The following MRLN variants were observed in gnomAD, a reference collection of about 807,000 sequenced individuals.
MRLN encodes the protein Linc-RNA activator of myogenesis.
chr10:59,744,727 G>A, intron 1 of MRLN: 1 of 156,046 alleles, frequency 6.4e-6, no homozygotes, highest in Non-Finnish European at 1.4e-5. Flanking sequence ...TGTGTAGAAA[G>A]AAGTAGACAT....
At chr10:59,745,804 C>T (rs532857032) in intron 1 of MRLN, among the ~76,000 whole-genome samples, 36 of 152,246 alleles carry the variant, frequency 2.4e-4, no homozygotes, top group Admixed American at 7.8e-4. Context: ...GTTCTTCACT[C>T]TGCCACCAGT....
At chr10:59,740,082 C>T (rs1283622953) in intron 1 of MRLN, among the ~76,000 whole-genome samples, 1 of 145,108 alleles carries the variant, frequency 6.9e-6, no homozygotes, top group Non-Finnish European at 1.5e-5. Context: ...TGGAGTGAGA[C>T]TCCATCTTAA....
Position 59,742,181 on chromosome 10 carries a change from C to T in MRLN, c.-124-3619G>A, listed in dbSNP as rs903354551. 2.0e-5 allele frequency among the ~76,000 whole-genome samples: 3 copies of T among 152,106 alleles called. No individual in the cohort carries two copies. The East Asian group carries it at 5.8e-4, about 29-fold the overall frequency. Reference sequence around the variant, plus strand: ...CTTCAATATGGAAACAACTTAAATGCCATTAGTACACGGATAAATTGTGGC... The same window carrying T: ...CTTCAATATGGAAACAACTTAAATGTCATTAGTACACGGATAAATTGTGGC... On this transcript the variant is annotated intron_variant, in intron 1 of 2. Transcript: ENST00000414264.
chr10:59,751,158 G>A (rs981691135), intron 1 of MRLN, among the ~76,000 whole-genome samples: 9 of 152,214 alleles, frequency 5.9e-5, no homozygotes, highest in Non-Finnish European at 1.5e-5. Context: ...TTGGAGTCAA[G>A]TTTAGCTGAA....
intron 1 of MRLN, among the ~76,000 whole-genome samples, chr10:59,746,406 T>C (rs1841044627): frequency 6.6e-6 from 1 of 152,228 alleles, no homozygotes; most frequent in Non-Finnish European, 1.5e-5. Context: ...TTGAGTATTC[T>C]GTGCCATAGT....
At chr10:59,745,722 T>A (rs1038476149) in intron 1 of MRLN, among the ~76,000 whole-genome samples, 5 of 152,176 alleles carry the variant, frequency 3.3e-5, no homozygotes, top group African/African-American at 1.2e-4. Flanking sequence ...AGGAGTGGTA[T>A]CCCACAGAGT....
intron 1 of MRLN, among the ~76,000 whole-genome samples, chr10:59,749,425 G>A (rs1422726360): frequency 2.6e-5 from 4 of 152,102 alleles, no homozygotes; most frequent in African/African-American, 9.7e-5. Context: ...CAGGCATGGT[G>A]GCTCACACCC....
At chr10:59,740,249 T>TG (rs1181169163) in intron 1 of MRLN, among the ~76,000 whole-genome samples, 1 of 152,124 alleles carries the variant, frequency 6.6e-6, no homozygotes, top group Non-Finnish European at 1.5e-5. Flanking sequence ...AACCACAGCA[T>TG]GTACAATGAT....
chr10:59,746,317 A>C (rs1225720418), intron 1 of MRLN, among the ~76,000 whole-genome samples: 2 of 152,192 alleles, frequency 1.3e-5, no homozygotes, highest in African/African-American at 2.4e-5. Context: ...TTAAGTAAAT[A>C]ATATTATAAT....
chr10:59,744,596 C>T (rs1414424143), intron 1 of MRLN, among the ~76,000 whole-genome samples: 3 of 152,132 alleles, frequency 2.0e-5, no homozygotes, highest in Non-Finnish European at 4.4e-5. Flanking sequence ...AGCCGCCACC[C>T]GGTCTGGGAG....
Position 59,743,174 on chromosome 10 carries a change from C to G in MRLN, c.-124-4612G>C, listed in dbSNP as rs1477437138. 2.0e-5 allele frequency among the ~76,000 whole-genome samples: 3 copies of G among 152,034 alleles called. No individual in the cohort carries two copies. The East Asian group carries it at 5.8e-4, about 29-fold the overall frequency. On this transcript the variant is annotated intron_variant, in intron 1 of 2. Transcript: ENST00000414264. ...AGGAATTTGGGTGATTTTCTTTTCC[C>G]TCTGCTGTTTCCATTTCTCACTGCC...
chr10:59,742,715 T>TTTCC (rs1399447809), intron 1 of MRLN, among the ~76,000 whole-genome samples: 24 of 151,704 alleles, frequency 1.6e-4, no homozygotes, highest in African/African-American at 5.3e-4. Context: ...TTCCCTTTCT[T>TTTCC]TTCCTTCCTT....
At chr10:59,745,473 C>T (rs767788358) in intron 1 of MRLN, among the ~76,000 whole-genome samples, 16 of 148,352 alleles carry the variant, frequency 1.1e-4, no homozygotes, top group Admixed American at 2.0e-4. Flanking sequence ...CTTCAGATGA[C>T]GGCAAATAAT....
Position 59,749,609 on chromosome 10 carries a change from G to A in MRLN, c.-125+3745C>T, listed in dbSNP as rs541761090. Among the ~76,000 whole-genome samples the A allele has an allele frequency of 7.2e-5, 11 of 152,092 alleles. No homozygotes were observed. In the East Asian group the frequency reaches 7.7e-4, roughly 11 times the overall value. ...CTCAGGAGGCTGAAGCACAAGAGTC[G>A]CTTGAACCTGGCAGGCAGAGGTTGC... On this transcript the variant is annotated intron_variant, in intron 1 of 2. Transcript: ENST00000414264.
chr10:59,742,234 T>C (rs1337827954), intron 1 of MRLN, among the ~76,000 whole-genome samples: 7 of 152,176 alleles, frequency 4.6e-5, no homozygotes, highest in African/African-American at 1.7e-4. Context: ...TATTATATAA[T>C]AGTAAAAATT....
chr10:59,737,689 TC>T (rs1840939176), intron 2 of MRLN, among the ~76,000 whole-genome samples: 1 of 151,012 alleles, frequency 6.6e-6, no homozygotes, highest in African/African-American at 2.4e-5. Flanking sequence ...TTCCTCAAGA[TC>T]CTGTCTGTCA....
At chr10:59,740,403 G>C (rs893518672) in intron 1 of MRLN, among the ~76,000 whole-genome samples, 1 of 152,102 alleles carries the variant, frequency 6.6e-6, no homozygotes, top group Non-Finnish European at 1.5e-5. Context: ...GTAGGTCCTT[G>C]AGGTATTCCA....
At chr10:59,744,972 C>G (rs535863321) in intron 1 of MRLN, 10 of 180,478 alleles carry the variant, frequency 5.5e-5, no homozygotes, top group East Asian at 3.3e-4. Context: ...CAAACACGGC[C>G]GAAGGCAGCA....
intron 2 of MRLN, among the ~76,000 whole-genome samples, chr10:59,737,767 G>A (rs1840939739): frequency 6.6e-6 from 1 of 151,924 alleles, no homozygotes; most frequent in Non-Finnish European, 1.5e-5. Flanking sequence ...AATAAAACAG[G>A]TTTTAAAAAC....
Sources: gnomAD v4.1 joint callset for allele counts (sites outside exome capture counted in the v4.1 genomes callset) on GRCh38, gnomAD v4.1.1 for gene constraint, MANE v1.5 for transcripts, NCBI Gene and HGNC (gene_info 2026-07-23, HGNC 2026-07-21) for gene names.